The following ITPR2 variants were observed in gnomAD, a reference collection of about 807,000 sequenced individuals.
ITPR2 encodes inositol 1,4,5-trisphosphate-gated calcium channel ITPR2.
ITPR2 carries 207 observed loss-of-function variants against 317.1 expected under a neutral mutation model. The observed-to-expected ratio is 0.65, with a 90% CI of 0.58 to 0.73. The LOEUF is 0.73. Ranked by LOEUF, ITPR2 falls within the 30% of genes least tolerant of loss-of-function variation. The probability of loss-of-function intolerance (pLI) is 0.00; values close to 1 mark genes in which losing one functional copy is unlikely to be tolerated. For missense variants in ITPR2, 2,613 were observed against 3,284.0 expected (o/e 0.80, Z 4.99); for synonymous variants, 1,156 against 1,149.1 (o/e 1.01, Z -0.12).
intron 13 of ITPR2, 74 bp from the exon 14 acceptor site, chr12:26,666,125 T>G: frequency 1.9e-6 from 1 of 525,068 alleles, no homozygotes; most frequent in Non-Finnish European, 2.8e-6. Flanking sequence ...AGATGATAGG[T>G]AGGTAGGTAG....
rs1012224377 is a variant in ITPR2 at position 26,599,279 on chromosome 12, C to T, written c.3868G>A (p.Glu1290Lys). The T allele has an allele frequency of 4.3e-6, 7 of 1,614,094 alleles. No homozygotes were observed. Among genetic ancestry groups the T allele is most frequent in the African/African-American group, 2.7e-5 (2 of 75,052 alleles). The change falls in exon 30 of 57, where the codon GAG (glutamate) becomes AAG (lysine). Residue 1290 changes from glutamate (E) to lysine (K), a missense_variant. By Grantham distance (56) the Glu-to-Lys change is moderately conservative. This residue lies in a region of ITPR2 where 817 missense variants were observed against 897.6 expected (regional missense o/e 0.91). Coordinates refer to ENST00000381340, the MANE Select transcript of ITPR2 (RefSeq NM_002223.4). ...NNYHLCNEIS[E>K]RVVQHFVHCI... Reference sequence around the variant, plus strand: ...TGCACAAAGTGTTGTACAACTCTCTCGCTAATTTCGTTGCACAGATGGTAA... The same window carrying T: ...TGCACAAAGTGTTGTACAACTCTCTTGCTAATTTCGTTGCACAGATGGTAA...
intron 1 of ITPR2, among the ~76,000 whole-genome samples, chr12:26,829,510 T>C (rs1951065904): frequency 6.6e-6 from 1 of 152,084 alleles, no homozygotes; most frequent in African/African-American, 2.4e-5. Context: ...CTGGCTAATT[T>C]TTTATATTTT....
chr12:26,627,982 A>C, intron 23 of ITPR2, 51 bp downstream of exon 23: 1 of 1,484,406 alleles, frequency 6.7e-7, no homozygotes, highest in African/African-American at 1.4e-5. Context: ...GGTACTTTCA[A>C]GTTCTCAGAA....
At chr12:26,413,129 C>G (rs1940603929) in intron 51 of ITPR2, among the ~76,000 whole-genome samples, 1 of 152,198 alleles carries the variant, frequency 6.6e-6, no homozygotes, top group Non-Finnish European at 1.5e-5. Context: ...ATCCTTCTCT[C>G]TAAGTTCACA....
chr12:26,736,814 G>C (rs1436254115), intron 2 of ITPR2, among the ~76,000 whole-genome samples: 1 of 152,180 alleles, frequency 6.6e-6, no homozygotes, highest in African/African-American at 2.4e-5. Flanking sequence ...CATCCATGTT[G>C]GGTCCAGTTC....
At chr12:26,482,120 C>T (rs1426107918) in intron 42 of ITPR2, among the ~76,000 whole-genome samples, 2 of 152,142 alleles carry the variant, frequency 1.3e-5, no homozygotes, top group African/African-American at 4.8e-5. Flanking sequence ...TCAGCATGGG[C>T]CTTATTTCTC....
At position 26,339,498 on chromosome 12, in the gene ITPR2, A is replaced by G. The variant is rs758585043; in HGVS notation, c.8020-15T>C. The stretch of plus-strand genomic sequence containing the variant: ...TGTTCTGTCATCTGGGGGAAAAGAG[A>G]GAGTGTGTGTTCAGCGGATTTTCTC... On this transcript the variant is annotated splice_polypyrimidine_tract_variant and intron_variant, in intron 56 of 56. Coordinates refer to ENST00000381340, the MANE Select transcript of ITPR2 (RefSeq NM_002223.4). The G allele has an allele frequency of 5.6e-6, 9 of 1,609,924 alleles. No individual in the cohort carries two copies. In the Middle Eastern group the frequency reaches 5.0e-4, roughly 89 times the overall value.
intron 26 of ITPR2, among the ~76,000 whole-genome samples, chr12:26,611,754 T>C (rs1367831737): frequency 6.6e-6 from 1 of 152,166 alleles, no homozygotes; most frequent in African/African-American, 2.4e-5. Context: ...CAACCCTAAA[T>C]AAAGCGGTGG....
At chr12:26,534,949 A>G (rs961408206) in intron 37 of ITPR2, among the ~76,000 whole-genome samples, 1 of 152,216 alleles carries the variant, frequency 6.6e-6, no homozygotes, top group African/African-American at 2.4e-5. Flanking sequence ...ATTAAGAGAA[A>G]TAAGTTCTGG....
chr12:26,393,915 A>T (rs971169169), intron 54 of ITPR2, among the ~76,000 whole-genome samples: 1 of 152,224 alleles, frequency 6.6e-6, no homozygotes, highest in African/African-American at 2.4e-5. Flanking sequence ...TCAGACAAGT[A>T]TAGAGACAAT....
chr12:26,376,616 G>A (rs1939352470), intron 55 of ITPR2, among the ~76,000 whole-genome samples: 1 of 152,070 alleles, frequency 6.6e-6, no homozygotes, highest in Admixed American at 6.6e-5. Flanking sequence ...TTTCTAAAAT[G>A]TAAATCTGCT....
intron 2 of ITPR2, among the ~76,000 whole-genome samples, chr12:26,775,094 C>T (rs900333004): frequency 6.6e-6 from 1 of 152,156 alleles, no homozygotes; most frequent in Non-Finnish European, 1.5e-5. Flanking sequence ...CTGGGATCAC[C>T]TCCCAAATAG....
In ITPR2 at chr12:26,605,095, A is replaced by AAAATAAATAAAT. The variant is rs1555165347; in HGVS notation, c.3463-2390_3463-2389insATTTATTTATTT. ...AGAGCATGACTCAGTCTCAAAAAAAAAAAAAATAAAAATAAAAAATAAAAA... is the reference window on the plus strand; with the variant it reads ...AGAGCATGACTCAGTCTCAAAAAAAAAAATAAATAAATAAAAAATAAAAATAAAAAATAAAAA... On this transcript the variant is annotated intron_variant, in intron 26 of 56. Coordinates refer to ENST00000381340, the MANE Select transcript of ITPR2 (RefSeq NM_002223.4). 8.1e-5 allele frequency among the ~76,000 whole-genome samples: 9 copies of AAAATAAATAAAT among 111,390 alleles called. No homozygotes were observed. The South Asian group carries it at 8.1e-4, about 10-fold the overall frequency. 73.1% of individuals were successfully genotyped at this position (111,390 alleles called of 152,430 possible). A position where few individuals can be genotyped will look rare whatever the true frequency, so the allele number is the denominator to read the frequency against.
chr12:26,776,923 C>T (rs932876938), intron 2 of ITPR2, among the ~76,000 whole-genome samples: 5 of 152,226 alleles, frequency 3.3e-5, no homozygotes, highest in African/African-American at 1.2e-4. Context: ...TGAGGAGGTG[C>T]ACTACACTAA....
intron 32 of ITPR2, among the ~76,000 whole-genome samples, chr12:26,581,431 T>C (rs1945401943): frequency 6.6e-6 from 1 of 152,194 alleles, no homozygotes; most frequent in Admixed American, 6.6e-5. Flanking sequence ...GGGTATCTAA[T>C]TTCATAGGAT....
At chr12:26,474,780 C>T (rs3928208) in intron 45 of ITPR2, among the ~76,000 whole-genome samples, 3 of 111,088 alleles carry the variant, frequency 2.7e-5, no homozygotes, top group African/African-American at 3.5e-5. Context: ...GGCGACAGAG[C>T]GAGACTCCGT....
chr12:26,692,709 C>A (rs149348572), intron 10 of ITPR2, among the ~76,000 whole-genome samples: 1 of 152,058 alleles, frequency 6.6e-6, no homozygotes, highest in Non-Finnish European at 1.5e-5. Context: ...TGACACACAC[C>A]GCCTCATTTC....
chr12:26,706,666 C>T (rs1156453262), intron 9 of ITPR2, among the ~76,000 whole-genome samples: 1 of 152,152 alleles, frequency 6.6e-6, no homozygotes, highest in East Asian at 1.9e-4. Flanking sequence ...ATGTATCACA[C>T]TGTACTGGGA....
intron 37 of ITPR2, among the ~76,000 whole-genome samples, chr12:26,545,370 T>C (rs1337909868): frequency 6.6e-6 from 1 of 151,842 alleles, no homozygotes; most frequent in Non-Finnish European, 1.5e-5. Flanking sequence ...GATGTGACAA[T>C]TGTGGGAAGG....
Sources: allele counts gnomAD v4.1 joint callset (sites outside exome capture counted in the v4.1 genomes callset), GRCh38; gene constraint gnomAD v4.1.1; regional missense constraint gnomAD v4.1.1; transcripts MANE v1.5; gene names NCBI Gene and HGNC (gene_info 2026-07-23, HGNC 2026-07-21).